Variants in PCDH7 observed in about 807,000 individuals in gnomAD.
PCDH7 encodes protocadherin 7, also known as protocadherin-7.
Under a neutral mutation model 58.9 loss-of-function variants are expected in PCDH7, and 17 were observed. The observed-to-expected ratio is 0.29, with a 90% CI of 0.20 to 0.43. The LOEUF (loss-of-function observed/expected upper bound fraction) is 0.43. PCDH7 is among the 20% of genes least tolerant of loss of function. PCDH7 has a pLI of 1.00. For missense variants in PCDH7, 1,274 were observed against 1,441.0 expected, an observed-to-expected ratio of 0.88 and a Z score of 1.88; for synonymous variants, 664 against 616.4, an observed-to-expected ratio of 1.08 and a Z score of -1.14.
At chr4:30,784,576 G>C (rs1019558712) in intron 1 of PCDH7, among the ~76,000 whole-genome samples, 6 of 152,020 alleles carry the variant, frequency 3.9e-5, no homozygotes, top group African/African-American at 1.4e-4. Flanking sequence ...ATCAGGTCCT[G>C]AAAATAAAAA....
intron 3 of PCDH7, among the ~76,000 whole-genome samples, chr4:31,129,597 A>G (rs1003145441): frequency 3.3e-5 from 5 of 152,098 alleles, no homozygotes; most frequent in African/African-American, 1.2e-4. Context: ...CAATTCCTAA[A>G]ATAATCATGA....
At chr4:30,812,943 C>G (rs1249732942) in intron 1 of PCDH7, among the ~76,000 whole-genome samples, 2 of 152,146 alleles carry the variant, frequency 1.3e-5, no homozygotes. Flanking sequence ...CAACATAATT[C>G]TAAGCATTAT....
intron 3 of PCDH7, among the ~76,000 whole-genome samples, chr4:30,979,506 A>T (rs891834570): frequency 1.3e-5 from 2 of 152,072 alleles, no homozygotes; most frequent in Non-Finnish European, 2.9e-5. Context: ...TCAGCAGTAG[A>T]CCAAAAGTGG....
At chr4:30,879,047 T>A (rs1401533677) in intron 1 of PCDH7, among the ~76,000 whole-genome samples, 3 of 152,052 alleles carry the variant, frequency 2.0e-5, no homozygotes, top group Non-Finnish European at 2.9e-5. Context: ...ATGTGAAATA[T>A]TATAAGATCA....
chr4:31,129,652 G>A (rs1021717624), intron 3 of PCDH7, among the ~76,000 whole-genome samples: 7 of 151,862 alleles, frequency 4.6e-5, no homozygotes, highest in African/African-American at 1.7e-4. Context: ...TATTGAGAAG[G>A]AGTCTGGCTC....
intron 3 of PCDH7, among the ~76,000 whole-genome samples, chr4:31,138,836 G>A (rs893061416): frequency 3.9e-5 from 6 of 151,970 alleles, no homozygotes; most frequent in African/African-American, 1.4e-4. Flanking sequence ...TTAGCCAGGT[G>A]GTAGTGGTGC....
At chr4:31,119,939 C>T (rs992337944) in intron 3 of PCDH7, among the ~76,000 whole-genome samples, 1 of 151,086 alleles carries the variant, frequency 6.6e-6, no homozygotes, top group African/African-American at 2.4e-5. Context: ...TACTGGTCAC[C>T]AGTTTCAGGT....
At chr4:31,056,504 A>G (rs1184732422) in intron 3 of PCDH7, among the ~76,000 whole-genome samples, 1 of 117,848 alleles carries the variant, frequency 8.5e-6, no homozygotes, top group East Asian at 4.9e-4. Flanking sequence ...AAAGAAAGAA[A>G]GAAAGAAAGA....
At chr4:30,851,383 C>G (rs1270119744) in intron 1 of PCDH7, among the ~76,000 whole-genome samples, 1 of 151,896 alleles carries the variant, frequency 6.6e-6, no homozygotes, top group African/African-American at 2.4e-5. Context: ...CCAAAGTTTA[C>G]CAGGCTCCCA....
At chr4:30,932,294 C>A (rs1744702566) in intron 2 of PCDH7, among the ~76,000 whole-genome samples, 1 of 152,188 alleles carries the variant, frequency 6.6e-6, no homozygotes, top group Non-Finnish European at 1.5e-5. Context: ...TCTACCACAG[C>A]TAGTGCACCA....
chr4:30,744,398 A>G (rs912183482), intron 1 of PCDH7, among the ~76,000 whole-genome samples: 1 of 152,190 alleles, frequency 6.6e-6, no homozygotes, highest in Non-Finnish European at 1.5e-5. Context: ...ATAAGGTGGG[A>G]CCATAAGTAA....
intron 3 of PCDH7, among the ~76,000 whole-genome samples, chr4:31,093,065 G>A (rs1713468065): frequency 6.6e-6 from 1 of 152,048 alleles, no homozygotes. Flanking sequence ...AATGAATAAT[G>A]TGCACAGATA....
intron 3 of PCDH7, among the ~76,000 whole-genome samples, chr4:30,967,890 A>T (rs1380014189): frequency 6.6e-6 from 1 of 152,056 alleles, no homozygotes; most frequent in Non-Finnish European, 1.5e-5. Flanking sequence ...GGTGTATTTC[A>T]TGCATACTTC....
At chr4:30,926,329 C>A (rs1375479412) in intron 2 of PCDH7, among the ~76,000 whole-genome samples, 1 of 151,864 alleles carries the variant, frequency 6.6e-6, no homozygotes, top group Admixed American at 6.6e-5. Flanking sequence ...GGACTATAGG[C>A]GCCCGCCACC....
At chr4:30,943,347 A>C (rs1746281711) in intron 2 of PCDH7, among the ~76,000 whole-genome samples, 1 of 152,138 alleles carries the variant, frequency 6.6e-6, no homozygotes, top group African/African-American at 2.4e-5. Context: ...AATACTTTGC[A>C]TATTTCATCT....
Position 31,003,187 on chromosome 4 carries a change from T to C in PCDH7, c.*7+52972T>C, listed in dbSNP as rs1480439253. Among the ~76,000 whole-genome samples the C allele has an allele frequency of 2.0e-5, 3 of 152,280 alleles. 1 individual carries two copies. The highest frequency in any genetic ancestry group is 4.1e-4 in the South Asian group (2 of 4,826). ...TAACTTCCCTCCCAGAAGCATACTT[T>C]CATTTAAATATGTAACTTTTGGATT... On this transcript the variant is annotated intron_variant, in intron 3 of 3. Transcript: ENST00000509759.
At chr4:30,725,918 A>G (rs1714551606) in intron 1 of PCDH7, among the ~76,000 whole-genome samples, 1 of 152,126 alleles carries the variant, frequency 6.6e-6, no homozygotes, top group African/African-American at 2.4e-5. Flanking sequence ...AGCTATTCAG[A>G]TAAGGAGAAA....
chr4:30,767,864 TAGAA>T (rs1411325593), intron 1 of PCDH7, among the ~76,000 whole-genome samples: 1 of 152,166 alleles, frequency 6.6e-6, no homozygotes, highest in South Asian at 2.1e-4. Flanking sequence ...CAAACATCAA[TAGAA>T]AGGAAAATTC....
At chr4:30,754,653 A>G (rs761843949) in intron 1 of PCDH7, among the ~76,000 whole-genome samples, 1 of 152,200 alleles carries the variant, frequency 6.6e-6, no homozygotes, top group Non-Finnish European at 1.5e-5. Context: ...AAAGAGATTC[A>G]TCATTTTCTA....
Sources: allele counts gnomAD v4.1 joint callset (sites outside exome capture counted in the v4.1 genomes callset), GRCh38; gene constraint gnomAD v4.1.1; transcripts MANE v1.5; gene names NCBI Gene and HGNC (gene_info 2026-07-23, HGNC 2026-07-21).